The following DCTN4 variants were observed in gnomAD, a reference collection of about 807,000 sequenced individuals.
The protein encoded by DCTN4 is dynactin subunit 4.
DCTN4 carries 23 observed loss-of-function variants against 62.7 expected under a neutral mutation model. That is an observed-to-expected ratio of 0.37 (90% confidence interval 0.26 to 0.52). The LOEUF (loss-of-function observed/expected upper bound fraction) is 0.52, where lower values mean the gene tolerates loss of function less well. Ranked by LOEUF, DCTN4 falls within the 20% of genes least tolerant of loss-of-function variation. The pLI is 0.92. For synonymous variants in DCTN4, 199 were observed against 202.1 expected (o/e 0.98, Z 0.13); for missense variants, 514 against 580.4 (o/e 0.89, Z 1.18).
intron 2 of DCTN4, among the ~76,000 whole-genome samples, chr5:150,754,593 A>C (rs899548313): frequency 6.6e-6 from 1 of 152,214 alleles, no homozygotes; most frequent in Non-Finnish European, 1.5e-5. Flanking sequence ...CCTAGCAGCC[A>C]TATCTTGGTT....
intron 3 of DCTN4, among the ~76,000 whole-genome samples, chr5:150,748,158 T>C (rs1752528886): frequency 1.3e-5 from 2 of 152,132 alleles, no homozygotes; most frequent in South Asian, 2.1e-4. Flanking sequence ...AAAGAAGACA[T>C]TTATGCAGCC....
chr5:150,710,851 C>A lies in DCTN4; in HGVS notation c.*298G>T. On this transcript the variant is annotated 3_prime_UTR_variant, in exon 13 of 13. Transcript: ENST00000447998. ...AGTTTCTCAGGTGGTAAATACAATG[C>A]CATTCCAAGGAACACCCATCCCCTT... is the stretch of plus-strand genomic sequence containing the variant. 2.6e-6 allele frequency: 1 copy of A among 391,192 alleles called. No homozygotes were observed. The highest frequency in any genetic ancestry group is 4.8e-6 in the Non-Finnish European group (1 of 207,096). The allele number at this position is 391,192 out of a possible 1,614,324, so 24.2% of individuals were successfully genotyped here.
rs953148022 is a variant in DCTN4 at position 150,710,589 on chromosome 5, G to A, written c.*560C>T. 9 of 154,576 alleles carry A rather than the reference G, an allele frequency of 5.8e-5. No homozygotes were observed. The highest frequency in any genetic ancestry group is 1.7e-4 in the African/African-American group (7 of 41,468). The allele number at this position is 154,576 out of a possible 1,614,324, so 9.6% of individuals were successfully genotyped here. On this transcript the variant is annotated 3_prime_UTR_variant, in exon 13 of 13. Transcript: ENST00000447998. ...TTTTTCCAATCATCATGATACTAAA[G>A]ATAAAGTGACAATTCAGTTTTTCAG...
At chr5:150,742,023 A>G in intron 4 of DCTN4, 91 bp downstream of exon 4, 1 of 1,067,028 alleles carries the variant, frequency 9.4e-7, no homozygotes. Context: ...TTATAAACAC[A>G]GCTCATATCT....
intron 1 of DCTN4, chr5:150,758,561 C>T: frequency 8.9e-7 from 1 of 1,126,302 alleles, no homozygotes; most frequent in Non-Finnish European, 1.1e-6. Context: ...ACCCCCAGAC[C>T]TTTCTCCGTA....
chr5:150,731,605 A>G (rs534549812), intron 5 of DCTN4, 116 bp from the exon 6 acceptor site: 26 of 794,558 alleles, frequency 3.3e-5, no homozygotes, highest in Non-Finnish European at 5.0e-5. Context: ...GCAAAAAAAA[A>G]GCTAATCTAA....
At chr5:150,753,372 C>G (rs1302177161) in intron 3 of DCTN4, 107 bp downstream of exon 3, 1 of 941,702 alleles carries the variant, frequency 1.1e-6, no homozygotes, top group Non-Finnish European at 1.6e-6. Context: ...ACAAAATATT[C>G]TGAATTTAGC....
At chr5:150,724,469 T>C (rs992449401) in intron 8 of DCTN4, among the ~76,000 whole-genome samples, 14 of 152,220 alleles carry the variant, frequency 9.2e-5, no homozygotes, top group Non-Finnish European at 1.6e-4. Flanking sequence ...AAGTAAAATA[T>C]GTAACTTTAC....
At chr5:150,756,639 G>GTT (rs35101821) in intron 1 of DCTN4, 152 bp from the exon 2 acceptor site, 50,724 of 285,378 alleles carry the variant, frequency 0.18, 636 homozygotes, top group Middle Eastern at 0.22. Context: ...TCAGTCACCT[G>GTT]TTTTTTTTTT....
rs114944789 is a variant in DCTN4, at chr5:150,758,278, C to T, written c.135+581G>A. 2,921 of 985,636 alleles carry T rather than the reference C, an allele frequency of 3.0e-3. 64 individuals are homozygous for T. In the African/African-American group the frequency reaches 0.048, roughly 16 times the overall value. 61.1% of individuals were successfully genotyped at this position (985,636 alleles called of 1,614,324 possible). On this transcript the variant is annotated intron_variant, in intron 1 of 12. Coordinates refer to ENST00000447998, the MANE Select transcript of DCTN4 (RefSeq NM_016221.4). ...AGGGAAGGACAGCATTGTCCTCTAG[C>T]TCCATAAATACACTTTCAGCTTCTT...
At chr5:150,751,092 T>C (rs1303472238) in intron 3 of DCTN4, among the ~76,000 whole-genome samples, 1 of 152,180 alleles carries the variant, frequency 6.6e-6, no homozygotes, top group African/African-American at 2.4e-5. Flanking sequence ...GAATATTTTA[T>C]CTAATTGCTT....
chr5:150,751,812 C>T (rs1352750907), intron 3 of DCTN4, among the ~76,000 whole-genome samples: 1 of 152,076 alleles, frequency 6.6e-6, no homozygotes, highest in Non-Finnish European at 1.5e-5. Context: ...ATCAACAGCT[C>T]AAAGCATTCT....
At chr5:150,719,534 T>C (rs1451262145) in intron 10 of DCTN4, among the ~76,000 whole-genome samples, 182 bp downstream of exon 10, 1 of 152,202 alleles carries the variant, frequency 6.6e-6, no homozygotes, top group Non-Finnish European at 1.5e-5. Context: ...CTACTTTTCA[T>C]CAGATGCTGT....
intron 3 of DCTN4, among the ~76,000 whole-genome samples, chr5:150,742,554 T>C (rs984892018): frequency 3.9e-5 from 6 of 152,198 alleles, no homozygotes; most frequent in African/African-American, 1.4e-4. Flanking sequence ...TCCGGAGACT[T>C]TGCTCTTATC....
At chr5:150,720,323 C>T (rs999548307) in intron 9 of DCTN4, among the ~76,000 whole-genome samples, 3 of 151,986 alleles carry the variant, frequency 2.0e-5, no homozygotes, top group African/African-American at 7.3e-5. Flanking sequence ...AGCAGGATTA[C>T]CTGAGTAACT....
intron 9 of DCTN4, among the ~76,000 whole-genome samples, chr5:150,722,456 C>A (rs879712216): frequency 6.6e-6 from 1 of 152,160 alleles, no homozygotes; most frequent in Non-Finnish European, 1.5e-5. Context: ...ACTCACAAGT[C>A]CCAGAGAGTT....
intron 3 of DCTN4, among the ~76,000 whole-genome samples, chr5:150,743,537 T>C (rs1266289073): frequency 6.6e-6 from 1 of 152,132 alleles, no homozygotes. Flanking sequence ...GCAGCCTAAC[T>C]GGGAGGCACC....
At chr5:150,727,274 A>T (rs1760180801) in intron 8 of DCTN4, among the ~76,000 whole-genome samples, 1 of 152,236 alleles carries the variant, frequency 6.6e-6, no homozygotes, top group South Asian at 2.1e-4. Context: ...TGTTGCATAC[A>T]GAGTACTTTT....
intron 8 of DCTN4, among the ~76,000 whole-genome samples, chr5:150,728,868 CCACA>C (rs1250652470): frequency 1.3e-5 from 2 of 151,258 alleles, no homozygotes; most frequent in East Asian, 3.9e-4. Flanking sequence ...TACTATCTTA[CCACA>C]CACAATCTTT....
Sources: gnomAD v4.1 joint callset for allele counts (sites outside exome capture counted in the v4.1 genomes callset) on GRCh38, gnomAD v4.1.1 for gene constraint, MANE v1.5 for transcripts, NCBI Gene and HGNC (gene_info 2026-07-23, HGNC 2026-07-21) for gene names.